Variants in XIRP2 observed in about 807,000 individuals in gnomAD.
The protein encoded by XIRP2 is xin actin-binding repeat-containing protein 2.
A neutral mutation model predicts 277.0 loss-of-function variants in XIRP2; 236 were observed. The observed-to-expected ratio is 0.85, with a 90% CI of 0.77 to 0.95. The LOEUF (loss-of-function observed/expected upper bound fraction) is 0.95. XIRP2 is among the 40% of genes least tolerant of loss of function. XIRP2 has a pLI of 0.00. For synonymous variants in XIRP2, 1,490 were observed against 1,416.5 expected (o/e 1.05, Z -1.17); for missense variants, 4,640 against 4,157.5 (o/e 1.12, Z -3.19).
intron 1 of XIRP2, among the ~76,000 whole-genome samples, chr2:166,893,720 A>G (rs1684168697): frequency 1.3e-5 from 2 of 152,156 alleles, no homozygotes; most frequent in Admixed American, 1.3e-4. Context: ...TGTCAGTGCC[A>G]TTGCCAGTCT....
chr2:167,162,363 A>T (rs1692395418), intron 3 of XIRP2, among the ~76,000 whole-genome samples: 1 of 152,230 alleles, frequency 6.6e-6, no homozygotes, highest in African/African-American at 2.4e-5. Context: ...TGGGCAATTT[A>T]CATAAGAAAG....
chr2:167,122,487 T>C (rs75188073), intron 2 of XIRP2, among the ~76,000 whole-genome samples: 11,472 of 152,226 alleles, frequency 0.075, 497 homozygotes, highest in South Asian at 0.17. Context: ...CTACCCATGG[T>C]GAATGGTGAC....
At chr2:167,228,721 T>G (rs1235185314) in intron 5 of XIRP2, among the ~76,000 whole-genome samples, 3 of 152,122 alleles carry the variant, frequency 2.0e-5, no homozygotes, top group Non-Finnish European at 4.4e-5. Context: ...TCCAATTGCT[T>G]TGAAAAAATC....
intron 5 of XIRP2, among the ~76,000 whole-genome samples, chr2:167,224,647 A>G (rs764128884): frequency 3.9e-5 from 6 of 152,330 alleles, no homozygotes; most frequent in Non-Finnish European, 8.8e-5. Context: ...TAAGAATAAA[A>G]TGTCCATATA....
At position 166,939,692 on chromosome 2, in the gene XIRP2, A is replaced by AC. The variant is rs1417353280; in HGVS notation, c.408+35802_408+35803insC. On this transcript the variant is annotated intron_variant, in intron 2 of 10. Transcript: ENST00000409195. Reference sequence around the variant, plus strand: ...AAGACTCCATCACAAAAAAAAAAAAAAAAAAACAAAAAACAAAAACAAAAA... The same window carrying AC: ...AAGACTCCATCACAAAAAAAAAAAAACAAAAAACAAAAAACAAAAACAAAAA... Among the ~76,000 whole-genome samples, 178 of 133,402 alleles carry AC rather than the reference A, an allele frequency of 1.3e-3. 5 individuals are homozygous for AC. Among genetic ancestry groups the AC allele is most frequent in the South Asian group, 6.5e-3 (25 of 3,838 alleles). The allele number at this position is 133,402 out of a possible 152,430, so 87.5% of individuals were successfully genotyped here. A position where few individuals can be genotyped will look rare whatever the true frequency, so the allele number is the denominator to read the frequency against.
At chr2:166,985,764 T>C (rs1438853573) in intron 2 of XIRP2, among the ~76,000 whole-genome samples, 4 of 152,028 alleles carry the variant, frequency 2.6e-5, no homozygotes, top group African/African-American at 7.2e-5. Context: ...TTAGTGTTGG[T>C]CTGGGTGTGA....
rs1175875355 is a variant in XIRP2, at chr2:167,251,193, G to C, written c.9801G>C (p.Lys3267Asn). 6.2e-7 allele frequency: 1 copy of C among 1,613,540 alleles called. No individual in the cohort carries two copies. The highest frequency in any genetic ancestry group is 2.2e-5 in the East Asian group (1 of 44,846). Residue 3267 changes from lysine (K) to asparagine (N), a missense_variant, in exon 9 of 11, where the codon AAG (lysine) becomes AAC (asparagine). By Grantham distance (94) the Lys-to-Asn change is moderately conservative. Transcript: ENST00000409195. ...AAGAGGAAATCAGGAAAGTGGAGAA[G>C]AGAGCTACTTATGTTCATAAAGATG... ...DAQEEIRKVE[K>N]RATYVHKDGL...
intron 2 of XIRP2, among the ~76,000 whole-genome samples, chr2:166,969,734 A>G (rs1686527648): frequency 6.6e-6 from 1 of 151,792 alleles, no homozygotes; most frequent in Admixed American, 6.6e-5. Flanking sequence ...TATGTTCATT[A>G]TGCCCTTTCC....
chr2:166,987,719 G>A (rs1240671318), intron 2 of XIRP2, among the ~76,000 whole-genome samples: 1 of 152,126 alleles, frequency 6.6e-6, no homozygotes, highest in African/African-American at 2.4e-5. Context: ...TGTGCCAGAT[G>A]GTTTGGAAGT....
At chr2:166,912,669 A>T (rs754173201) in intron 2 of XIRP2, among the ~76,000 whole-genome samples, 1 of 152,032 alleles carries the variant, frequency 6.6e-6, no homozygotes, top group Non-Finnish European at 1.5e-5. Flanking sequence ...ATTCCTTTGG[A>T]GGGGGAGAGG....
chr2:167,164,284 C>CAA lies in XIRP2; in HGVS notation c.562+28233_562+28234dup, dbSNP rs368415759. On this transcript the variant is annotated intron_variant, in intron 3 of 10. Coordinates refer to ENST00000409195, the MANE Select transcript of XIRP2 (RefSeq NM_152381.6). ...TGAAACCCCGTCTGTACTAAAAATA[C>CAA]AAAAAAAAAAAATTAGCCGGGCGTG... is the stretch of plus-strand genomic sequence containing the variant. Among the ~76,000 whole-genome samples the CAA allele has an allele frequency of 2.1e-3, 292 of 142,032 alleles. 1 individual carries two copies. Among genetic ancestry groups the CAA allele is most frequent in the African/African-American group, 6.5e-3 (253 of 38,820 alleles). The allele number at this position is 142,032 out of a possible 152,430, so 93.2% of individuals were successfully genotyped here. A position where few individuals can be genotyped will look rare whatever the true frequency, so the allele number is the denominator to read the frequency against.
At chr2:167,104,766 C>T (rs1015433103) in intron 2 of XIRP2, among the ~76,000 whole-genome samples, 1 of 151,894 alleles carries the variant, frequency 6.6e-6, no homozygotes, top group African/African-American at 2.4e-5. Flanking sequence ...ATGTATGAAC[C>T]AAATCAGTTG....
intron 2 of XIRP2, among the ~76,000 whole-genome samples, chr2:167,060,154 A>G (rs1383520243): frequency 1.3e-5 from 2 of 152,196 alleles, no homozygotes; most frequent in African/African-American, 4.8e-5. Context: ...CTAAAATTTC[A>G]GATTTCTTGT....
At chr2:167,171,267 C>T (rs1692682467) in intron 3 of XIRP2, among the ~76,000 whole-genome samples, 1 of 152,060 alleles carries the variant, frequency 6.6e-6, no homozygotes, top group Non-Finnish European at 1.5e-5. Flanking sequence ...CTGCATTCTA[C>T]AATTTAAACA....
intron 2 of XIRP2, among the ~76,000 whole-genome samples, chr2:166,996,511 C>T (rs1574144931): frequency 6.6e-6 from 1 of 152,250 alleles, no homozygotes; most frequent in South Asian, 2.1e-4. Context: ...CCTGTAATCT[C>T]AGCTACTCAG....
intron 2 of XIRP2, among the ~76,000 whole-genome samples, chr2:166,986,220 T>A (rs1687000742): frequency 6.6e-6 from 1 of 152,150 alleles, no homozygotes; most frequent in African/African-American, 2.4e-5. Context: ...CATAGCAGAG[T>A]AGTGGAACAT....
At chr2:167,224,681 A>C (rs1181219599) in intron 5 of XIRP2, among the ~76,000 whole-genome samples, 1 of 152,230 alleles carries the variant, frequency 6.6e-6, no homozygotes, top group Non-Finnish European at 1.5e-5. Flanking sequence ...ATTGCCTAGC[A>C]TATATTAATT....
chr2:166,973,748 T>C (rs1439878927), intron 2 of XIRP2, among the ~76,000 whole-genome samples: 1 of 152,196 alleles, frequency 6.6e-6, no homozygotes, highest in Non-Finnish European at 1.5e-5. Flanking sequence ...CTGCATTAAG[T>C]CATTTATGTC....
At chr2:167,241,674 T>C (rs2105431344) in intron 7 of XIRP2, 103 bp from the exon 8 acceptor site, 3 of 1,314,034 alleles carry the variant, frequency 2.3e-6, no homozygotes, top group Non-Finnish European at 3.1e-6. Context: ...TCTCCCAAAG[T>C]ATTGGGATTA....
Sources: allele counts gnomAD v4.1 joint callset (sites outside exome capture counted in the v4.1 genomes callset), GRCh38; gene constraint gnomAD v4.1.1; transcripts MANE v1.5; gene names NCBI Gene and HGNC (gene_info 2026-07-23, HGNC 2026-07-21).